Variants in JMY observed in about 807,000 individuals in gnomAD.
JMY encodes the protein junction-mediating and -regulatory protein.
A neutral mutation model predicts 103.3 loss-of-function variants in JMY; 46 were observed. The ratio of observed to expected loss-of-function variants is 0.45; its 90% CI spans 0.35 to 0.57. The LOEUF (loss-of-function observed/expected upper bound fraction) is 0.57, where lower values mean the gene tolerates loss of function less well. Among genes scored for constraint, JMY ranks in the 20% least tolerant of loss-of-function variants. The probability of loss-of-function intolerance (pLI) is 0.00; values close to 1 mark genes in which losing one functional copy is unlikely to be tolerated. For synonymous variants in JMY, 526 were observed against 489.3 expected, an observed-to-expected ratio of 1.07 and a Z score of -0.99; for missense variants, 1,238 against 1,255.2, an observed-to-expected ratio of 0.99 and a Z score of 0.21.
chr5:79,267,146 T>C (rs1158696831), intron 1 of JMY, among the ~76,000 whole-genome samples: 4 of 152,238 alleles, frequency 2.6e-5, no homozygotes, highest in Non-Finnish European at 4.4e-5. Context: ...ACATTTGTTA[T>C]AATTTATGAA....
At position 79,308,218 on chromosome 5, in the gene JMY, T is replaced by G. The variant is rs138024404; in HGVS notation, c.1968+1757T>G. ...TGTCTGTTGCAGAACAGAAGTGTTT[T>G]AACAAAGTCCAATTTACCAGCACTT... On this transcript the variant is annotated intron_variant, in intron 7 of 10. Coordinates refer to ENST00000396137, the MANE Select transcript of JMY (RefSeq NM_152405.5). Among the ~76,000 whole-genome samples the G allele has an allele frequency of 8.3e-4, 126 of 152,344 alleles. 3 individuals carry two copies. The East Asian group carries it at 0.023, about 27-fold the overall frequency.
At chr5:79,253,991 A>G (rs1457556180) in intron 1 of JMY, among the ~76,000 whole-genome samples, 1 of 147,158 alleles carries the variant, frequency 6.8e-6, no homozygotes, top group Non-Finnish European at 1.5e-5. Context: ...TCTGTCACAC[A>G]GGCTACAGTG....
rs185509045 is a variant in JMY at position 79,281,980 on chromosome 5, C to T, written c.1206+3897C>T. On this transcript the variant is annotated intron_variant, in intron 2 of 10. Transcript: ENST00000396137. ...CAGCACTTTGGGAGGCCGAGGCGGG[C>T]GGATCACAAGGTCAGGAGATGGAGA... is the stretch of plus-strand genomic sequence containing the variant. Among the ~76,000 whole-genome samples, 905 of 151,984 alleles carry T rather than the reference C, an allele frequency of 6.0e-3. 8 individuals carry two copies. The highest frequency in any genetic ancestry group is 6.9e-3 in the Non-Finnish European group (471 of 67,974).
chr5:79,270,340 ATATATTTACATAAATATTTAAAATG>A (rs1561297518), intron 1 of JMY, among the ~76,000 whole-genome samples: 33 of 98,188 alleles, frequency 3.4e-4, no homozygotes, highest in African/African-American at 7.0e-4. Context: ...TATTTAAAAT[ATATATTTACATAAATATTTAAAATG>A]TATATTTACA....
intron 9 of JMY, among the ~76,000 whole-genome samples, chr5:79,315,655 T>C (rs1197034011): frequency 6.6e-6 from 1 of 152,134 alleles, no homozygotes; most frequent in Non-Finnish European, 1.5e-5. Flanking sequence ...ACCCCATCAC[T>C]CTGAATTTGG....
intron 1 of JMY, among the ~76,000 whole-genome samples, chr5:79,259,464 C>T (rs1745351376): frequency 6.6e-6 from 1 of 152,216 alleles, no homozygotes; most frequent in Non-Finnish European, 1.5e-5. Context: ...AGGCCCTCCC[C>T]GACTTGAAGG....
Position 79,236,517 on chromosome 5 carries a change from G to A in JMY, c.-134G>A, listed in dbSNP as rs1744498430. 4 of 611,652 alleles carry A rather than the reference G, an allele frequency of 6.5e-6. No individual in the cohort carries two copies. The highest frequency in any genetic ancestry group is 4.9e-6 in the Non-Finnish European group (2 of 406,454). The allele number at this position is 611,652 out of a possible 1,614,324, so 37.9% of individuals were successfully genotyped here. ...CGCGGAGGGACAGGCGAACGAGCCG[G>A]GAGAGCCGGCCGGCGCACTAAGATG... On this transcript the variant is annotated 5_prime_UTR_variant, in exon 1 of 11. Transcript: ENST00000396137.
At position 79,236,761 on chromosome 5, in the gene JMY, G is replaced by A. The variant is rs992981629; in HGVS notation, c.111G>A (p.Glu37=). The change falls in exon 1 of 11, where the codon GAG becomes GAA. Residue 37 remains glutamate (E), a synonymous_variant. Transcript: ENST00000396137. ...TCGTCTTTATTGTGGCCTGGAACGA[G>A]ATTGAGGGCAAGTTTGCCATAACCT... ...HKFVFIVAWN[E]IEGKFAITCH... is the part of the protein sequence containing the mutation. 2.0e-6 allele frequency: 3 copies of A among 1,511,582 alleles called. No homozygotes were observed. The highest frequency in any genetic ancestry group is 5.5e-5 in the East Asian group (2 of 36,210). The allele number at this position is 1,511,582 out of a possible 1,614,324, so 93.6% of individuals were successfully genotyped here. A position where few individuals can be genotyped will look rare whatever the true frequency, so the allele number is the denominator to read the frequency against.
At chr5:79,246,996 C>T (rs558998190) in intron 1 of JMY, among the ~76,000 whole-genome samples, 1 of 152,246 alleles carries the variant, frequency 6.6e-6, no homozygotes, top group South Asian at 2.1e-4. Context: ...AAGGATTTTG[C>T]AGCAGAGGTA....
intron 1 of JMY, among the ~76,000 whole-genome samples, chr5:79,265,780 CTTTT>C (rs34354467): frequency 2.6e-5 from 3 of 116,190 alleles, no homozygotes. Flanking sequence ...TGTGATGATT[CTTTT>C]TTTTTTTTTT....
chr5:79,300,875 T>C lies in JMY; in HGVS notation c.1881+12T>C. 2.5e-6 allele frequency: 4 copies of C among 1,571,228 alleles called. No individual in the cohort carries two copies. The highest frequency in any genetic ancestry group is 1.7e-4 in the Middle Eastern group (1 of 5,816). On this transcript the variant is annotated intron_variant, in intron 6 of 10. Transcript: ENST00000396137. ...TCAGAAATAAAAAGGTATTTAAATATTGCTTTTGTTCATTATTTAGTCTTT... is the reference window on the plus strand; with the variant it reads ...TCAGAAATAAAAAGGTATTTAAATACTGCTTTTGTTCATTATTTAGTCTTT...
At chr5:79,304,103 G>C (rs147959577) in intron 6 of JMY, among the ~76,000 whole-genome samples, 143 of 152,238 alleles carry the variant, frequency 9.4e-4, no homozygotes, top group Middle Eastern at 3.4e-3. Flanking sequence ...CTTCATTTCT[G>C]TGTTAATCTA....
intron 1 of JMY, among the ~76,000 whole-genome samples, chr5:79,240,949 A>G (rs1015054509): frequency 7.9e-5 from 12 of 152,222 alleles, no homozygotes; most frequent in Admixed American, 2.0e-4. Flanking sequence ...GGTTTATCTG[A>G]TAAATCAAAT....
At chr5:79,316,347 T>TA (rs1490041277) in intron 10 of JMY, 37 bp downstream of exon 10, 12 of 1,472,244 alleles carry the variant, frequency 8.2e-6, no homozygotes, top group Non-Finnish European at 1.1e-5. Flanking sequence ...CATTCAGTAA[T>TA]ACAGGTTTTA....
chr5:79,287,000 G>A (rs140313666), intron 2 of JMY, among the ~76,000 whole-genome samples: 2 of 152,256 alleles, frequency 1.3e-5, no homozygotes, highest in East Asian at 3.9e-4. Context: ...GAAGCATAGA[G>A]GAGGAACCCC....
At chr5:79,285,528 A>G (rs532684879) in intron 2 of JMY, among the ~76,000 whole-genome samples, 1 of 150,446 alleles carries the variant, frequency 6.6e-6, no homozygotes, top group South Asian at 2.1e-4. Context: ...CACCTGAGCT[A>G]TACTTTCCTT....
intron 6 of JMY, among the ~76,000 whole-genome samples, chr5:79,304,066 A>C (rs557554625): frequency 5.3e-5 from 8 of 152,274 alleles, no homozygotes; most frequent in African/African-American, 1.9e-4. Context: ...GTGTTAGCTC[A>C]TAGCAATTTA....
At position 79,236,915 on chromosome 5, in the gene JMY, C is replaced by T; in HGVS notation, c.265C>T (p.Arg89Trp). 1 of 1,358,268 alleles carries T rather than the reference C, an allele frequency of 7.4e-7. No individual in the cohort carries two copies. Among genetic ancestry groups the T allele is most frequent in the Middle Eastern group, 2.4e-4 (1 of 4,136 alleles). 84.1% of individuals were successfully genotyped at this position (1,358,268 alleles called of 1,614,324 possible). A position where few individuals can be genotyped will look rare whatever the true frequency, so the allele number is the denominator to read the frequency against. The change falls in exon 1 of 11, where the codon CGG becomes TGG. Residue 89 changes from arginine (R) to tryptophan (W), a missense_variant. Physicochemically the swap from Arg to Trp is moderately radical, Grantham distance 101 (BLOSUM62 -3). Coordinates refer to ENST00000396137, the MANE Select transcript of JMY (RefSeq NM_152405.5). ...RGPGSPAGRG[R>W]PEATASATLV... Reference sequence around the variant, plus strand: ...GCCCGGCAGCCCGGCGGGCAGGGGTCGGCCCGAGGCCACTGCCTCTGCAAC... The same window carrying T: ...GCCCGGCAGCCCGGCGGGCAGGGGTTGGCCCGAGGCCACTGCCTCTGCAAC...
rs34278536 is a variant in JMY, at chr5:79,278,585, CAAAAAAAAAAAAA to C, written c.1206+518_1206+530del. On this transcript the variant is annotated intron_variant, in intron 2 of 10. Coordinates refer to ENST00000396137, the MANE Select transcript of JMY (RefSeq NM_152405.5). ...GGGCAACACGGAGAACCCGTCTCTACAAAAAAAAAAAAAAAAAAAAAAAAAAAATCAAACTAGC... is the reference window on the plus strand; with the variant it reads ...GGGCAACACGGAGAACCCGTCTCTACAAAAAAAAAAAAAAATCAAACTAGC... Among the ~76,000 whole-genome samples the C allele has an allele frequency of 5.2e-5, 3 of 57,282 alleles. No individual in the cohort carries two copies. The South Asian group carries it at 3.3e-3, about 64-fold the overall frequency. The allele number at this position is 57,282 out of a possible 152,430, so 37.6% of individuals were successfully genotyped here.
Sources: gnomAD v4.1 joint callset for allele counts (sites outside exome capture counted in the v4.1 genomes callset) on GRCh38, gnomAD v4.1.1 for gene constraint, MANE v1.5 for transcripts, NCBI Gene and HGNC (gene_info 2026-07-23, HGNC 2026-07-21) for gene names.